Variants in SKAP1 observed in about 807,000 individuals in gnomAD.
SKAP1 encodes src kinase associated phosphoprotein 1.
Under a neutral mutation model 58.5 loss-of-function variants are expected in SKAP1, and 44 were observed. The ratio of observed to expected loss-of-function variants is 0.75; its 90% CI spans 0.59 to 0.97. The LOEUF (loss-of-function observed/expected upper bound fraction) is 0.97, where lower values mean the gene tolerates loss of function less well. SKAP1 is among the 50% of genes least tolerant of loss of function. SKAP1 has a pLI of 0.00. For synonymous variants in SKAP1, 127 were observed against 149.7 expected (o/e 0.85, Z 1.11); for missense variants, 390 against 435.2 (o/e 0.90, Z 0.92).
At chr17:48,406,873 A>T (rs1225816058) in intron 1 of SKAP1, among the ~76,000 whole-genome samples, 1 of 151,828 alleles carries the variant, frequency 6.6e-6, no homozygotes, top group East Asian at 1.9e-4. Flanking sequence ...ACCAATTTTT[A>T]AAAATTTTTT....
intron 12 of SKAP1, chr17:48,136,627 C>G (rs1183044856): frequency 6.6e-6 from 1 of 151,964 alleles, no homozygotes; most frequent in Non-Finnish European, 1.5e-5. Context: ...TACCTTGGAC[C>G]ACTTACCTCT....
At chr17:48,333,483 CATTTGTCCT>C (rs1336969613) in intron 4 of SKAP1, among the ~76,000 whole-genome samples, 1 of 152,030 alleles carries the variant, frequency 6.6e-6, no homozygotes, top group Non-Finnish European at 1.5e-5. Context: ...ACTTTTCCAC[CATTTGTCCT>C]AAATTTCTTT....
chr17:48,292,045 T>C (rs889857986), intron 4 of SKAP1, among the ~76,000 whole-genome samples: 41 of 151,902 alleles, frequency 2.7e-4, no homozygotes, highest in African/African-American at 9.7e-4. Flanking sequence ...TAAGGGTTTA[T>C]TTCTTTAAAT....
chr17:48,353,923 G>A (rs2066839510), intron 3 of SKAP1, among the ~76,000 whole-genome samples: 4 of 137,992 alleles, frequency 2.9e-5, no homozygotes, highest in Non-Finnish European at 4.6e-5. Flanking sequence ...GAAAAGAAAA[G>A]AAGAAAGAAG....
chr17:48,189,786 T>C (rs1176003746), intron 4 of SKAP1, among the ~76,000 whole-genome samples: 3 of 151,986 alleles, frequency 2.0e-5, no homozygotes, highest in African/African-American at 7.3e-5. Flanking sequence ...GCCATTCTCC[T>C]GTCTCAGCCT....
chr17:48,412,430 TA>T (rs1483023298), intron 1 of SKAP1, among the ~76,000 whole-genome samples: 7 of 152,198 alleles, frequency 4.6e-5, no homozygotes, highest in African/African-American at 1.7e-4. Flanking sequence ...AAGCATGAGG[TA>T]ATATTACTCA....
intron 4 of SKAP1, chr17:48,308,471 T>C (rs979030110): frequency 6.6e-6 from 1 of 152,244 alleles, no homozygotes; most frequent in Non-Finnish European, 1.5e-5. Flanking sequence ...TCCCACATCA[T>C]GCCATCATTG....
chr17:48,155,559 A>C (rs1001368997), intron 11 of SKAP1, among the ~76,000 whole-genome samples: 3 of 151,980 alleles, frequency 2.0e-5, no homozygotes, highest in African/African-American at 7.3e-5. Flanking sequence ...TCTCCCACTT[A>C]TAACAAGTGA....
chr17:48,345,198 C>A (rs1186278944), intron 4 of SKAP1, among the ~76,000 whole-genome samples: 1 of 152,110 alleles, frequency 6.6e-6, no homozygotes, highest in Non-Finnish European at 1.5e-5. Context: ...AAACTGGCAG[C>A]CATCAGGCCA....
chr17:48,187,826 A>T lies in SKAP1; in HGVS notation c.442+17T>A. On this transcript the variant is annotated intron_variant, in intron 6 of 12. Transcript: ENST00000336915. ...ATCCAGGAGTGAGATGCTGCTGTGT[A>T]AATGAAGAACACTTACTCTTCTCAT... 6.3e-7 allele frequency: 1 copy of T among 1,575,126 alleles called. No homozygotes were observed. Among genetic ancestry groups the T allele is most frequent in the Non-Finnish European group, 8.7e-7 (1 of 1,145,232 alleles).
chr17:48,182,358 C>A (rs760776904), intron 8 of SKAP1, 36 bp downstream of exon 8: 5 of 1,450,932 alleles, frequency 3.4e-6, no homozygotes, highest in Non-Finnish European at 4.8e-6. Flanking sequence ...AACTGCAAAT[C>A]AACTCAAGTA....
intron 1 of SKAP1, among the ~76,000 whole-genome samples, chr17:48,426,632 C>T (rs181532989): frequency 4.6e-5 from 7 of 152,220 alleles, no homozygotes; most frequent in African/African-American, 1.7e-4. Context: ...CATCTGAAGC[C>T]CCATTATTTG....
At chr17:48,322,612 G>T (rs2066382970) in intron 4 of SKAP1, among the ~76,000 whole-genome samples, 1 of 152,172 alleles carries the variant, frequency 6.6e-6, no homozygotes, top group South Asian at 2.1e-4. Flanking sequence ...CAGAACAAAA[G>T]CAAAGGTGAA....
At chr17:48,301,315 C>T (rs2066053286) in intron 4 of SKAP1, among the ~76,000 whole-genome samples, 1 of 152,122 alleles carries the variant, frequency 6.6e-6, no homozygotes, top group Non-Finnish European at 1.5e-5. Context: ...CTATTCCCAC[C>T]AACCCTTCCC....
chr17:48,303,806 A>G (rs144444813), intron 4 of SKAP1, among the ~76,000 whole-genome samples: 1 of 152,320 alleles, frequency 6.6e-6, no homozygotes, highest in East Asian at 1.9e-4. Context: ...CTAGATAATA[A>G]GGGGATATTT....
chr17:48,381,042 G>A (rs1182921718), intron 2 of SKAP1, among the ~76,000 whole-genome samples: 1 of 152,208 alleles, frequency 6.6e-6, no homozygotes, highest in Non-Finnish European at 1.5e-5. Flanking sequence ...ATAAAATCAA[G>A]TATGGCAAAG....
At chr17:48,258,047 G>C (rs28613168) in intron 4 of SKAP1, among the ~76,000 whole-genome samples, 14 of 151,992 alleles carry the variant, frequency 9.2e-5, no homozygotes, top group Middle Eastern at 3.4e-3. Flanking sequence ...CAAAAAGCTC[G>C]CATCATGACA....
the SKAP1 span, among the ~76,000 whole-genome samples, chr17:48,441,511 A>G: frequency 6.6e-6 from 1 of 152,226 alleles, no homozygotes; most frequent in Non-Finnish European, 1.5e-5. Flanking sequence ...GGTTGAATCT[A>G]CAGATAATAG....
At chr17:48,146,491 T>G (rs571895600) in intron 11 of SKAP1, among the ~76,000 whole-genome samples, 1 of 144,054 alleles carries the variant, frequency 6.9e-6, no homozygotes, top group Admixed American at 6.8e-5. Flanking sequence ...AGACTCCATT[T>G]AAAAAAAAAA....
Sources: gnomAD v4.1 joint callset for allele counts (sites outside exome capture counted in the v4.1 genomes callset) on GRCh38, gnomAD v4.1.1 for gene constraint, MANE v1.5 for transcripts, NCBI Gene and HGNC (gene_info 2026-07-23, HGNC 2026-07-21) for gene names.